Variants in CCDC85C observed in about 807,000 individuals in gnomAD.
The protein encoded by CCDC85C is coiled-coil domain containing 85C, also known as coiled-coil domain-containing protein 85C.
Under a neutral mutation model 38.3 loss-of-function variants are expected in CCDC85C, and 18 were observed. The ratio of observed to expected loss-of-function variants is 0.47; its 90% CI spans 0.33 to 0.70. CCDC85C has a LOEUF of 0.70. Among genes scored for constraint, CCDC85C ranks in the 30% least tolerant of loss-of-function variants. CCDC85C has a pLI of 0.03. For missense variants in CCDC85C, 566 were observed against 621.2 expected, an observed-to-expected ratio of 0.91 and a Z score of 0.94; for synonymous variants, 264 against 293.8, an observed-to-expected ratio of 0.90 and a Z score of 1.04.
At position 99,502,334 on chromosome 14, in the gene CCDC85C, T is replaced by C; in HGVS notation, c.*12912A>G. ...CTCCAAACCCATGTATAGGAGATGG[T>C]GGGAGCAGTTTGTTCAAGATGTCCC... On this transcript the variant is annotated 3_prime_UTR_variant, in exon 6 of 6. Coordinates refer to ENST00000380243, the MANE Select transcript of CCDC85C (RefSeq NM_001144995.2). 1 of 1,613,760 alleles carries C rather than the reference T, an allele frequency of 6.2e-7. No homozygotes were observed. The highest frequency in any genetic ancestry group is 8.5e-7 in the Non-Finnish European group (1 of 1,179,832).
rs1595347671 is a variant in CCDC85C, at chr14:99,535,032, G to A, written c.867+983C>T. Reference sequence around the variant, plus strand: ...CAGCCCACAAAGGGGTGAGACGTGAGGATGACCTCAGTGGGAGCTGTGCTC... The same window carrying A: ...CAGCCCACAAAGGGGTGAGACGTGAAGATGACCTCAGTGGGAGCTGTGCTC... On this transcript the variant is annotated intron_variant, in intron 2 of 5. Transcript: ENST00000380243. This position sits in a 1 kb window ranked among gnomAD's most constrained non-coding sequence, Gnocchi z 5.5. 1 of 322,616 alleles carries A rather than the reference G, an allele frequency of 3.1e-6. No individual in the cohort carries two copies. The highest frequency in any genetic ancestry group is 5.8e-6 in the Non-Finnish European group (1 of 172,254). The allele number at this position is 322,616 out of a possible 1,614,324, so 20.0% of individuals were successfully genotyped here. A position where few individuals can be genotyped will look rare whatever the true frequency, so the allele number is the denominator to read the frequency against.
rs553269151 is a variant in CCDC85C, at chr14:99,535,616, C to T, written c.867+399G>A. On this transcript the variant is annotated intron_variant, in intron 2 of 5. Transcript: ENST00000380243. The surrounding 1 kb of genome is among the most constrained non-coding windows in gnomAD (Gnocchi z 5.5). ...TCGGGCCCAGGAGGGAGGAGGGGAA[C>T]CCAGCCCAGGGAGGTACCGGCCAGT... 6.6e-6 allele frequency among the ~76,000 whole-genome samples: 1 copy of T among 152,242 alleles called. No homozygotes were observed. Among genetic ancestry groups the T allele is most frequent in the South Asian group, 2.1e-4 (1 of 4,820 alleles).
rs80313731 is a variant in CCDC85C at position 99,534,356 on chromosome 14, C to CA, written c.867+1658dup. Among the ~76,000 whole-genome samples the CA allele has an allele frequency of 9.7e-3, 1,329 of 136,708 alleles. 19 individuals are homozygous for CA. Among genetic ancestry groups the CA allele is most frequent in the African/African-American group, 0.029 (1,094 of 37,736 alleles). 89.7% of individuals were successfully genotyped at this position (136,708 alleles called of 152,430 possible). On this transcript the variant is annotated intron_variant, in intron 2 of 5. Transcript: ENST00000380243. ...GGGCAACAAGAGCTAAATTCCATCT[C>CA]AAAAAAAAAAAAAGAAAGAAAGAAC... is the stretch of plus-strand genomic sequence containing the variant.
At position 99,507,887 on chromosome 14, in the gene CCDC85C, C is replaced by T. The variant is rs1435178083; in HGVS notation, c.*7359G>A. The T allele has an allele frequency of 1.3e-5, 2 of 152,176 alleles. No homozygotes were observed. The highest frequency in any genetic ancestry group is 3.8e-4 in the East Asian group (2 of 5,202). The allele number at this position is 152,176 out of a possible 1,614,324, so 9.4% of individuals were successfully genotyped here. On this transcript the variant is annotated 3_prime_UTR_variant, in exon 6 of 6. Coordinates refer to ENST00000380243, the MANE Select transcript of CCDC85C (RefSeq NM_001144995.2). ...GTAAGCTGGAAAGCCTCTCTGATAC[C>T]GCTGGCAATAGAGGAGAAAAGCTGT... is the stretch of plus-strand genomic sequence containing the variant.
At position 99,507,196 on chromosome 14, in the gene CCDC85C, A is replaced by G. The variant is rs779102890; in HGVS notation, c.*8050T>C. On this transcript the variant is annotated 3_prime_UTR_variant, in exon 6 of 6. Transcript: ENST00000380243. ...GGCCAGCTGTGCACATCGCCTCTGA[A>G]TGTTGGACGCAGCAGGTCCTGGGAA... is the stretch of plus-strand genomic sequence containing the variant. The G allele has an allele frequency of 1.9e-5, 21 of 1,094,712 alleles. No individual in the cohort carries two copies. The highest frequency in any genetic ancestry group is 2.7e-5 in the Non-Finnish European group (19 of 707,664). 67.8% of individuals were successfully genotyped at this position (1,094,712 alleles called of 1,614,324 possible).
chr14:99,592,063 AG>A (rs1474665739), intron 1 of CCDC85C, among the ~76,000 whole-genome samples: 1 of 152,202 alleles, frequency 6.6e-6, no homozygotes, highest in African/African-American at 2.4e-5. Flanking sequence ...GTGGACAAGT[AG>A]GAGTCACAAA....
intron 2 of CCDC85C, among the ~76,000 whole-genome samples, chr14:99,528,343 C>T (rs1897428443): frequency 6.6e-6 from 1 of 152,214 alleles, no homozygotes. Context: ...TCTATTAGCC[C>T]AAAGCCACCA....
chr14:99,538,625 C>T (rs1181500163), intron 1 of CCDC85C, among the ~76,000 whole-genome samples: 2 of 152,214 alleles, frequency 1.3e-5, no homozygotes, highest in Non-Finnish European at 2.9e-5. Flanking sequence ...ACAGGGTGAG[C>T]GAGGAGCTCC....
chr14:99,547,130 T>C (rs771036681), intron 1 of CCDC85C, among the ~76,000 whole-genome samples: 3 of 152,158 alleles, frequency 2.0e-5, no homozygotes, highest in Non-Finnish European at 2.9e-5. Context: ...AAAGCCGTAG[T>C]GTGCTATCAT....
rs567448340 is a variant in CCDC85C, at chr14:99,572,380, G to A, written c.793+30787C>T. ...CCTCACGGGACACTGCGGGCGCTGC[G>A]GGCTAGTGTCTCAGCCTGCAATCCC... On this transcript the variant is annotated intron_variant, in intron 1 of 5. Transcript: ENST00000380243. This position sits in a 1 kb window ranked among gnomAD's most constrained non-coding sequence, Gnocchi z 4.4. Among the ~76,000 whole-genome samples, 5 of 152,300 alleles carry A rather than the reference G, an allele frequency of 3.3e-5. No individual in the cohort carries two copies. Among genetic ancestry groups the A allele is most frequent in the South Asian group, 4.1e-4 (2 of 4,828 alleles).
chr14:99,595,712 A>G (rs914281112), intron 1 of CCDC85C, among the ~76,000 whole-genome samples: 3 of 152,228 alleles, frequency 2.0e-5, no homozygotes, highest in African/African-American at 7.2e-5. Context: ...GAACCGGGAC[A>G]TACCGGCTGG....
chr14:99,584,174 C>A (rs1041034253), intron 1 of CCDC85C, among the ~76,000 whole-genome samples: 1 of 152,090 alleles, frequency 6.6e-6, no homozygotes, highest in African/African-American at 2.4e-5. Flanking sequence ...ACTACAGGTG[C>A]GCATAGCCGT....
intron 1 of CCDC85C, among the ~76,000 whole-genome samples, chr14:99,562,196 T>C (rs1185142230): frequency 1.3e-5 from 2 of 152,170 alleles, no homozygotes; most frequent in African/African-American, 4.8e-5. Context: ...TCCAGCAAGC[T>C]GACCCTCTGC....
intron 2 of CCDC85C, among the ~76,000 whole-genome samples, chr14:99,530,820 C>G (rs375942703): frequency 6.6e-6 from 1 of 152,206 alleles, no homozygotes; most frequent in Admixed American, 6.5e-5. Context: ...AGCAGGTGAG[C>G]GCTGGGGCGG....
In CCDC85C at chr14:99,604,140, C is replaced by A; in HGVS notation, c.-181G>T. 1 of 428,258 alleles carries A rather than the reference C, an allele frequency of 2.3e-6. No individual in the cohort carries two copies. Among genetic ancestry groups the A allele is most frequent in the Non-Finnish European group, 3.1e-6 (1 of 323,670 alleles). 26.5% of individuals were successfully genotyped at this position (428,258 alleles called of 1,614,324 possible). A position where few individuals can be genotyped will look rare whatever the true frequency, so the allele number is the denominator to read the frequency against. On this transcript the variant is annotated 5_prime_UTR_variant, in exon 1 of 6. Coordinates refer to ENST00000380243, the MANE Select transcript of CCDC85C (RefSeq NM_001144995.2). The stretch of plus-strand genomic sequence containing the variant: ...CCGGGGCCGCCCGGGAGCCCGCGCG[C>A]CTCGGGGTTGACGAGCGGAGGCGGC...
chr14:99,513,238 G>A lies in CCDC85C; in HGVS notation c.*2008C>T, dbSNP rs976044791. Reference sequence around the variant, plus strand: ...AACCTGACCCAAACATGATGCACACGGGCTCCCAGACTTGGCTGCCACTCA... The same window carrying A: ...AACCTGACCCAAACATGATGCACACAGGCTCCCAGACTTGGCTGCCACTCA... On this transcript the variant is annotated 3_prime_UTR_variant, in exon 6 of 6. Transcript: ENST00000380243. 2 of 152,052 alleles carry A rather than the reference G, an allele frequency of 1.3e-5. No individual in the cohort carries two copies. Among genetic ancestry groups the A allele is most frequent in the Non-Finnish European group, 2.9e-5 (2 of 68,018 alleles). The allele number at this position is 152,052 out of a possible 1,614,324, so 9.4% of individuals were successfully genotyped here.
intron 1 of CCDC85C, among the ~76,000 whole-genome samples, chr14:99,600,368 C>T (rs1017567900): frequency 6.6e-6 from 1 of 152,210 alleles, no homozygotes; most frequent in African/African-American, 2.4e-5. Context: ...AGCTGAGATT[C>T]AAACTCAAGT....
intron 1 of CCDC85C, among the ~76,000 whole-genome samples, chr14:99,562,521 A>G (rs144449354): frequency 8.1e-4 from 123 of 152,362 alleles, no homozygotes; most frequent in African/African-American, 2.9e-3. Context: ...GGCCACAGCC[A>G]CATAGGGCCA....
At chr14:99,583,375 A>G (rs1288924229) in intron 1 of CCDC85C, among the ~76,000 whole-genome samples, 1 of 152,094 alleles carries the variant, frequency 6.6e-6, no homozygotes, top group Non-Finnish European at 1.5e-5. Context: ...GTGGTGGCAC[A>G]TGCCTGTAAT....
Sources: gnomAD v4.1 joint callset for allele counts (sites outside exome capture counted in the v4.1 genomes callset) on GRCh38, gnomAD v4.1.1 for gene constraint, Gnocchi (gnomAD v3.1) non-coding constraint, MANE v1.5 for transcripts, NCBI Gene and HGNC (gene_info 2026-07-23, HGNC 2026-07-21) for gene names.